Variants in DSCAM observed in about 807,000 individuals in gnomAD.
DSCAM encodes the protein DS cell adhesion molecule, also known as cell adhesion molecule DSCAM.
Under a neutral mutation model 217.7 loss-of-function variants are expected in DSCAM, and 47 were observed. That is an observed-to-expected ratio of 0.22 (90% CI 0.17 to 0.28). The LOEUF is 0.28. Ranked by LOEUF, DSCAM falls within the 10% of genes least tolerant of loss-of-function variation. The pLI is 1.00. For synonymous variants in DSCAM, 1,056 were observed against 1,015.3 expected (o/e 1.04, Z -0.76); for missense variants, 2,080 against 2,618.3 (o/e 0.79, Z 4.49).
chr21:40,684,467 T>C (rs2090452795), intron 3 of DSCAM, among the ~76,000 whole-genome samples: 1 of 151,384 alleles, frequency 6.6e-6, no homozygotes, highest in South Asian at 2.1e-4. Context: ...TAGCTCCGCC[T>C]GAGGGATTTC....
intron 1 of DSCAM, among the ~76,000 whole-genome samples, chr21:40,783,448 CGTGT>C (rs901949532): frequency 1.3e-5 from 2 of 151,498 alleles, no homozygotes; most frequent in African/African-American, 2.4e-5. Context: ...CGTGTGTGTG[CGTGT>C]GTGTGTGTGC....
At chr21:40,537,901 C>A (rs544297418) in intron 3 of DSCAM, among the ~76,000 whole-genome samples, 1 of 152,310 alleles carries the variant, frequency 6.6e-6, no homozygotes. Context: ...TCCCAAGCAC[C>A]TTTCGCATTA....
chr21:40,149,371 C>G (rs13049706), intron 16 of DSCAM, among the ~76,000 whole-genome samples: 1 of 149,246 alleles, frequency 6.7e-6, no homozygotes, highest in East Asian at 2.0e-4. Flanking sequence ...ATTACTTCTT[C>G]ACTATCCCAA....
chr21:40,286,838 T>TGTG (rs1320200426), intron 10 of DSCAM, among the ~76,000 whole-genome samples: 7 of 16,896 alleles, frequency 4.1e-4, no homozygotes, highest in Non-Finnish European at 6.2e-4. Flanking sequence ...TGATCTGCAG[T>TGTG]ATGATCTGCA....
At chr21:40,627,772 G>A (rs561306414) in intron 3 of DSCAM, among the ~76,000 whole-genome samples, 1 of 152,150 alleles carries the variant, frequency 6.6e-6, no homozygotes, top group Non-Finnish European at 1.5e-5. Context: ...GGAGAAGCAC[G>A]GGGATTTAAG....
chr21:40,616,545 G>A (rs1875763543), intron 3 of DSCAM, among the ~76,000 whole-genome samples: 1 of 152,170 alleles, frequency 6.6e-6, no homozygotes. Flanking sequence ...CTGGAGGAGT[G>A]AGTGTGTCTT....
intron 3 of DSCAM, among the ~76,000 whole-genome samples, chr21:40,516,037 G>A (rs1363673883): frequency 1.3e-5 from 2 of 151,762 alleles, no homozygotes; most frequent in African/African-American, 4.8e-5. Flanking sequence ...AACATCCAGT[G>A]GTAGCGTCTA....
intron 4 of DSCAM, among the ~76,000 whole-genome samples, chr21:40,366,078 T>A (rs2074829512): frequency 6.6e-6 from 1 of 152,214 alleles, no homozygotes; most frequent in South Asian, 2.1e-4. Flanking sequence ...TATTTTTCTT[T>A]ATCTTTACAG....
chr21:40,641,974 G>A (rs1301034420), intron 3 of DSCAM, among the ~76,000 whole-genome samples: 1 of 151,106 alleles, frequency 6.6e-6, no homozygotes, highest in Non-Finnish European at 1.5e-5. Context: ...TTTGAACCCG[G>A]GAGGCAGAGG....
chr21:40,789,911 A>G (rs1184182036), intron 1 of DSCAM, among the ~76,000 whole-genome samples: 1 of 152,144 alleles, frequency 6.6e-6, no homozygotes, highest in Non-Finnish European at 1.5e-5. Context: ...ACAGAATTCT[A>G]CCGTTAGGAG....
chr21:40,489,192 A>G (rs1206303696), intron 3 of DSCAM, among the ~76,000 whole-genome samples: 1 of 152,204 alleles, frequency 6.6e-6, no homozygotes, highest in Non-Finnish European at 1.5e-5. Flanking sequence ...TATTTTAGTC[A>G]GTGGACTCTG....
intron 11 of DSCAM, among the ~76,000 whole-genome samples, chr21:40,243,283 A>T (rs1354406659): frequency 1.3e-5 from 2 of 152,364 alleles, no homozygotes; most frequent in Non-Finnish European, 1.5e-5. Context: ...TGATTTTTTT[A>T]AAAATAAAAT....
chr21:40,230,708 G>A (rs1467542024), intron 11 of DSCAM, among the ~76,000 whole-genome samples: 1 of 152,144 alleles, frequency 6.6e-6, no homozygotes, highest in Non-Finnish European at 1.5e-5. Context: ...TGACTCATGG[G>A]ATAACTGAAG....
chr21:40,283,159 T>A (rs1452451576), intron 10 of DSCAM, among the ~76,000 whole-genome samples: 3 of 152,230 alleles, frequency 2.0e-5, no homozygotes, highest in Non-Finnish European at 4.4e-5. Context: ...GAATTATTTA[T>A]CAGTCATCTA....
chr21:40,492,208 G>C (rs999404318), intron 3 of DSCAM, among the ~76,000 whole-genome samples: 27 of 152,014 alleles, frequency 1.8e-4, no homozygotes, highest in Non-Finnish European at 3.5e-4. Flanking sequence ...TGTGTTATTA[G>C]GTATAGATTA....
chr21:40,344,602 T>C (rs2123613500), intron 6 of DSCAM, among the ~76,000 whole-genome samples: 1 of 152,346 alleles, frequency 6.6e-6, no homozygotes, highest in African/African-American at 2.4e-5. Flanking sequence ...TGCTCCATTG[T>C]CTCCTGTCCT....
intron 3 of DSCAM, among the ~76,000 whole-genome samples, chr21:40,447,345 T>C (rs2075683379): frequency 6.6e-6 from 1 of 152,198 alleles, no homozygotes. Context: ...CTAGGATAAG[T>C]AAAGACCACG....
chr21:40,554,441 C>G (rs2076655172), intron 3 of DSCAM, among the ~76,000 whole-genome samples: 1 of 152,086 alleles, frequency 6.6e-6, no homozygotes, highest in Non-Finnish European at 1.5e-5. Flanking sequence ...TTCTGTGGAC[C>G]TAGCCTTTCA....
intron 3 of DSCAM, among the ~76,000 whole-genome samples, chr21:40,499,359 C>G (rs182456493): frequency 3.6e-4 from 55 of 152,298 alleles, no homozygotes; most frequent in Admixed American, 3.6e-3. Context: ...ACAGGTTTCT[C>G]TCTTGCTCTT....
Sources: gnomAD v4.1 joint callset for allele counts (sites outside exome capture counted in the v4.1 genomes callset) on GRCh38, gnomAD v4.1.1 for gene constraint, MANE v1.5 for transcripts, NCBI Gene and HGNC (gene_info 2026-07-23, HGNC 2026-07-21) for gene names.